EVI2A: variants seen among roughly 807,000 people sequenced by gnomAD.
The protein encoded by EVI2A is ecotropic viral integration site 2A.
Under a neutral mutation model 13.0 loss-of-function variants are expected in EVI2A, and 11 were observed. The observed-to-expected ratio is 0.85, with a 90% CI of 0.53 to 1.40. The LOEUF is 1.40. EVI2A is among the 40% of genes most tolerant of loss of function. The pLI, the probability that EVI2A is intolerant of heterozygous loss-of-function variation, is 0.00. For synonymous variants in EVI2A, 89 were observed against 98.0 expected (o/e 0.91, Z 0.54); for missense variants, 267 against 279.5 (o/e 0.96, Z 0.32).
chr17:31,319,147 G>A (rs754981485), intron 1 of EVI2A, 124 bp from the exon 2 acceptor site: 72 of 990,694 alleles, frequency 7.3e-5, no homozygotes, highest in Non-Finnish European at 9.7e-5. Flanking sequence ...CCTAATATTC[G>A]CTACCCTGAA....
rs1362927883 is a variant in EVI2A at position 31,317,526 on chromosome 17, A to G, written c.*777T>C. ...GAAAAGATGAATATTATTAATCATAAACAGTGAAACATACTTTGCGTTTAC... is the reference window on the plus strand; with the variant it reads ...GAAAAGATGAATATTATTAATCATAGACAGTGAAACATACTTTGCGTTTAC... On this transcript the variant is annotated 3_prime_UTR_variant, in exon 2 of 2. Transcript: ENST00000462804. The G allele has an allele frequency of 6.6e-6, 1 of 152,144 alleles. No homozygotes were observed. The allele number at this position is 152,144 out of a possible 1,614,324, so 9.4% of individuals were successfully genotyped here.
rs2070732 is a variant in EVI2A, at chr17:31,318,236, A to G, written c.*67T>C. The G allele has an allele frequency of 7.2e-4, 1,094 of 1,527,192 alleles. 16 individuals carry two copies. The East Asian group carries it at 0.019, about 26-fold the overall frequency. 94.6% of individuals were successfully genotyped at this position (1,527,192 alleles called of 1,614,324 possible). ...TAGATAATCAGAACAACACTTTGGG[A>G]TTAAATACCAACTGACTTCATTTTT... is the stretch of plus-strand genomic sequence containing the variant. On this transcript the variant is annotated 3_prime_UTR_variant, in exon 2 of 2. Transcript: ENST00000462804.
rs2069104739 is a variant in EVI2A at position 31,319,000 on chromosome 17, A to G, written c.14T>C (p.Met5Thr). The part of the protein sequence containing the change: MPTD[M>T]EHTGHYLHLA... ...ATGTAGGTAATGTCCTGTGTGTTCC[A>G]TGTCCGTGGGCATGCTTGGCAATCT... Residue 5 changes from methionine (M) to threonine (T), a missense_variant, in exon 2 of 2, where the codon ATG (methionine) becomes ACG (threonine). Transcript: ENST00000462804. 1 of 1,604,742 alleles carries G rather than the reference A, an allele frequency of 6.2e-7. No homozygotes were observed. The highest frequency in any genetic ancestry group is 2.2e-5 in the East Asian group (1 of 44,806).
intron 1 of EVI2A, chr17:31,320,429 C>T: frequency 6.2e-7 from 1 of 1,608,518 alleles, no homozygotes; most frequent in Non-Finnish European, 8.5e-7. Flanking sequence ...TCCTAAGCAA[C>T]ATGGATGCCA....
chr17:31,320,326 T>C (rs773954093), intron 1 of EVI2A: 7 of 1,460,970 alleles, frequency 4.8e-6, no homozygotes, highest in Non-Finnish European at 5.5e-6. Context: ...TCAAATGTAC[T>C]TAGGAGTCCT....
chr17:31,320,969 A>C (rs1353040379), intron 1 of EVI2A: 1 of 152,296 alleles, frequency 6.6e-6, no homozygotes, highest in African/African-American at 2.4e-5. Context: ...CGGAACAGAT[A>C]ATAGGCCTGC....
chr17:31,319,349 C>CT (rs1436933346), intron 1 of EVI2A, among the ~76,000 whole-genome samples: 1 of 151,032 alleles, frequency 6.6e-6, no homozygotes, highest in East Asian at 1.9e-4. Context: ...GTTAGTTCTG[C>CT]TTTTACTTTT....
rs747449562 is a variant in EVI2A at position 31,318,671 on chromosome 17, T to A, written c.343A>T (p.Lys115Ter). Residue 115 changes from lysine (K) to a stop codon, truncating the protein, a stop_gained, in exon 2 of 2, where the codon AAA (lysine) becomes TAA (stop). Transcript: ENST00000462804. LOFTEE classifies it high-confidence loss of function. ...TTTTTGAAAATTTCACCATGACTTT[T>A]GCTTGTGTTTTCAATGCTCTGTACT... ...STVQSIENTS[K>*]SHGEIFKKDV... The A allele has an allele frequency of 3.3e-5, 54 of 1,614,036 alleles. No homozygotes were observed. The highest frequency in any genetic ancestry group is 4.1e-5 in the Non-Finnish European group (48 of 1,180,000).
chr17:31,318,438 T>C lies in EVI2A; in HGVS notation c.576A>G (p.Glu192=), dbSNP rs752482562. The C allele has an allele frequency of 1.9e-6, 3 of 1,614,042 alleles. No homozygotes were observed. Among genetic ancestry groups the C allele is most frequent in the Non-Finnish European group, 2.5e-6 (3 of 1,180,012 alleles). ...GTTTTGTTCTTTTCCAAGTGTCTGA[T>C]TCAGCGGGCCATAGACCGCTTGCCA... ...DFLASGLWPA[E]SDTWKRTKQL... The change falls in exon 2 of 2, where the codon GAA becomes GAG. Residue 192 remains glutamate, a synonymous_variant. Coordinates refer to ENST00000462804, the MANE Select transcript of EVI2A (RefSeq NM_014210.4).
Position 31,316,480 on chromosome 17 carries a change from A to G in EVI2A, c.*1823T>C, listed in dbSNP as rs1044268149. Among the ~76,000 whole-genome samples, 3 of 152,182 alleles carry G rather than the reference A, an allele frequency of 2.0e-5. No individual in the cohort carries two copies. The highest frequency in any genetic ancestry group is 2.1e-4 in the South Asian group (1 of 4,826). On this transcript the variant is annotated 3_prime_UTR_variant, in exon 2 of 2. Coordinates refer to ENST00000462804, the MANE Select transcript of EVI2A (RefSeq NM_014210.4). ...TCTGGTGAGAAAATGTTTGACCAGT[A>G]TGTTGAATATGAAAGTAATTTCCTA...
In EVI2A at chr17:31,318,226, A is replaced by G. The variant is rs1312901354; in HGVS notation, c.*77T>C. ...TGTCAAATTTTAGATAATCAGAACA[A>G]CACTTTGGGATTAAATACCAACTGA... On this transcript the variant is annotated 3_prime_UTR_variant, in exon 2 of 2. Transcript: ENST00000462804. 5 of 1,515,210 alleles carry G rather than the reference A, an allele frequency of 3.3e-6. No individual in the cohort carries two copies. The highest frequency in any genetic ancestry group is 1.3e-5 in the South Asian group (1 of 74,538). The allele number at this position is 1,515,210 out of a possible 1,614,324, so 93.9% of individuals were successfully genotyped here.
Position 31,318,606 on chromosome 17 carries a change from T to C in EVI2A, c.408A>G (p.Leu136=). Residue 136 remains leucine, a synonymous_variant, in exon 2 of 2, where the codon CTA becomes CTG. Coordinates refer to ENST00000462804, the MANE Select transcript of EVI2A (RefSeq NM_014210.4). ...CAENNNNMAM[L]ICLIIIAVLF... ...GCACTGCAATTATAATTAAGCAAAT[T>C]AGCATAGCCATGTTGTTGTTGTTTT... 6.2e-7 allele frequency: 1 copy of C among 1,614,090 alleles called. No individual in the cohort carries two copies. The highest frequency in any genetic ancestry group is 1.7e-4 in the Middle Eastern group (1 of 6,060).
At position 31,318,440 on chromosome 17, in the gene EVI2A, C is replaced by G. The variant is rs758271623; in HGVS notation, c.574G>C (p.Glu192Gln). Reference sequence around the variant, plus strand: ...TTTGTTCTTTTCCAAGTGTCTGATTCAGCGGGCCATAGACCGCTTGCCAGA... The same window carrying G: ...TTTGTTCTTTTCCAAGTGTCTGATTGAGCGGGCCATAGACCGCTTGCCAGA... The part of the protein sequence containing the change: ...DFLASGLWPA[E>Q]SDTWKRTKQL... The change falls in exon 2 of 2, where the codon GAA becomes CAA. Residue 192 changes from glutamate (E) to glutamine (Q), a missense_variant. Transcript: ENST00000462804. 4.3e-6 allele frequency: 7 copies of G among 1,613,964 alleles called. No homozygotes were observed. In the South Asian group the frequency reaches 7.7e-5, roughly 18 times the overall value.
In EVI2A at chr17:31,318,221, G is replaced by A; in HGVS notation, c.*82C>T. 6.6e-7 allele frequency: 1 copy of A among 1,507,444 alleles called. No individual in the cohort carries two copies. Among genetic ancestry groups the A allele is most frequent in the Non-Finnish European group, 8.9e-7 (1 of 1,127,994 alleles). The allele number at this position is 1,507,444 out of a possible 1,614,324, so 93.4% of individuals were successfully genotyped here. ...TACCATGTCAAATTTTAGATAATCA[G>A]AACAACACTTTGGGATTAAATACCA... On this transcript the variant is annotated 3_prime_UTR_variant, in exon 2 of 2. Transcript: ENST00000462804.
At chr17:31,320,486 T>C in intron 1 of EVI2A, 1 of 1,479,314 alleles carries the variant, frequency 6.8e-7, no homozygotes, top group Non-Finnish European at 9.4e-7. Flanking sequence ...GAAATGGTTG[T>C]TATATGTCAT....
chr17:31,320,007 A>G (rs2069138687), intron 1 of EVI2A, among the ~76,000 whole-genome samples: 1 of 152,116 alleles, frequency 6.6e-6, no homozygotes, highest in African/African-American at 2.4e-5. Flanking sequence ...AGCTTGCTGG[A>G]AACTAGTACA....
Position 31,317,982 on chromosome 17 carries a change from C to A in EVI2A, c.*321G>T. 1 of 258,182 alleles carries A rather than the reference C, an allele frequency of 3.9e-6. No homozygotes were observed. Among genetic ancestry groups the A allele is most frequent in the Non-Finnish European group, 7.4e-6 (1 of 135,370 alleles). The allele number at this position is 258,182 out of a possible 1,614,324, so 16.0% of individuals were successfully genotyped here. On this transcript the variant is annotated 3_prime_UTR_variant, in exon 2 of 2. Transcript: ENST00000462804. Reference sequence around the variant, plus strand: ...TACATTCAGACAAAGATCATCTAACCACTGTTGCTACATAGGGAATATTTA... The same window carrying A: ...TACATTCAGACAAAGATCATCTAACAACTGTTGCTACATAGGGAATATTTA...
chr17:31,317,109 A>G lies in EVI2A; in HGVS notation c.*1194T>C, dbSNP rs2069040037. On this transcript the variant is annotated 3_prime_UTR_variant, in exon 2 of 2. Transcript: ENST00000462804. ...ATTGTAGTCATACTTGGGAAAAAAC[A>G]TATAAAAAATATTTTTAAAATGGTT... is the stretch of plus-strand genomic sequence containing the variant. Among the ~76,000 whole-genome samples the G allele has an allele frequency of 6.6e-6, 1 of 152,144 alleles. No individual in the cohort carries two copies. The highest frequency in any genetic ancestry group is 2.1e-4 in the South Asian group (1 of 4,832).
In EVI2A at chr17:31,319,146, C is replaced by T. The variant is rs560746396; in HGVS notation, c.-10-123G>A. 2.8e-4 allele frequency: 284 copies of T among 999,300 alleles called. 1 individual carries two copies. The highest frequency in any genetic ancestry group is 1.6e-3 in the Middle Eastern group (7 of 4,320). The allele number at this position is 999,300 out of a possible 1,614,324, so 61.9% of individuals were successfully genotyped here. ...AAACTACAAGCTTATGCCTAATATT[C>T]GCTACCCTGAATTCCTTCTCAACTA... On this transcript the variant is annotated intron_variant, in intron 1 of 1. Transcript: ENST00000462804.
Sources: allele counts gnomAD v4.1 joint callset (sites outside exome capture counted in the v4.1 genomes callset), GRCh38; gene constraint gnomAD v4.1.1; transcripts MANE v1.5; gene names NCBI Gene and HGNC (gene_info 2026-07-23, HGNC 2026-07-21).